ZDHHC16: variants seen among roughly 807,000 people sequenced by gnomAD.
ZDHHC16 encodes the protein zDHHC palmitoyltransferase 16.
A neutral mutation model predicts 54.4 loss-of-function variants in ZDHHC16; 33 were observed. The ratio of observed to expected loss-of-function variants is 0.61; its 90% CI spans 0.46 to 0.81. ZDHHC16 has a LOEUF of 0.81. ZDHHC16 is among the 30% of genes least tolerant of loss of function. The pLI is 0.00. For missense variants in ZDHHC16, 420 were observed against 485.9 expected, an observed-to-expected ratio of 0.86 and a Z score of 1.28; for synonymous variants, 185 against 182.1, an observed-to-expected ratio of 1.02 and a Z score of -0.13.
chr10:97,452,359 G>T, intron 4 of ZDHHC16, 56 bp from the exon 5 acceptor site: 4 of 1,611,532 alleles, frequency 2.5e-6, no homozygotes, highest in Non-Finnish European at 3.4e-6. Flanking sequence ...GAGTATCTTG[G>T]TATAGTTTTG....
chr10:97,455,773 C>T lies in ZDHHC16; in HGVS notation c.938C>T (p.Ala313Val). The T allele has an allele frequency of 6.2e-7, 1 of 1,614,058 alleles. No individual in the cohort carries two copies. The highest frequency in any genetic ancestry group is 8.5e-7 in the Non-Finnish European group (1 of 1,179,956). ...INKKERRRLQ[A>V]KGRVFRNPYN... is the part of the protein sequence containing the mutation. ...AAGAAGGAGAGACGTCGGCTACAGG[C>T]CAAGGGCAGAGTGAGTAGGGTTGAA... is the stretch of plus-strand genomic sequence containing the variant. The change falls in exon 10 of 12, where the codon GCC becomes GTC. Residue 313 changes from alanine (A) to valine (V), a missense_variant. Coordinates refer to ENST00000393760, the MANE Select transcript of ZDHHC16 (RefSeq NM_198046.3).
chr10:97,452,480 A>G lies in ZDHHC16; in HGVS notation c.504A>G (p.Thr168=). The G allele has an allele frequency of 6.2e-7, 1 of 1,614,204 alleles. No individual in the cohort carries two copies. Among genetic ancestry groups the G allele is most frequent in the South Asian group, 1.1e-5 (1 of 91,082 alleles). The change falls in exon 5 of 12, where the codon ACA becomes ACG. Residue 168 remains threonine, a synonymous_variant. Transcript: ENST00000393760. ...KKCIYPKPAR[T]HHCSICNRCV... ...GCATTTACCCCAAGCCAGCCCGAAC[A>G]CACCACTGCAGCATCTGCAACAGGT...
Position 97,457,275 on chromosome 10 carries a change from A to G in ZDHHC16, c.*384A>G, listed in dbSNP as rs1246300680. The stretch of plus-strand genomic sequence containing the variant: ...GTACAGCTGAGATCTTGGCTTCTCA[A>G]CAGGGCAAAGATACCAGGCCTGCTG... On this transcript the variant is annotated 3_prime_UTR_variant, in exon 12 of 12. Transcript: ENST00000393760. The G allele has an allele frequency of 6.4e-6, 1 of 155,916 alleles. No homozygotes were observed. The allele number at this position is 155,916 out of a possible 1,614,324, so 9.7% of individuals were successfully genotyped here. A position where few individuals can be genotyped will look rare whatever the true frequency, so the allele number is the denominator to read the frequency against.
chr10:97,453,621 T>C lies in ZDHHC16; in HGVS notation c.648T>C (p.Tyr216=), dbSNP rs769232268. 3 of 1,614,240 alleles carry C rather than the reference T, an allele frequency of 1.9e-6. 1 individual carries two copies. The South Asian group carries it at 3.3e-5, about 18-fold the overall frequency. ...CTCTGGGCTGTGTCTACTGCAGCTA[T>C]GGAAGTTGGGACCTTTTCCGGGAGG... is the stretch of plus-strand genomic sequence containing the variant. ...FMTLGCVYCS[Y]GSWDLFREAY... The change falls in exon 7 of 12, where the codon TAT becomes TAC. Residue 216 remains tyrosine (Y), a synonymous_variant. Transcript: ENST00000393760.
intron 1 of ZDHHC16, among the ~76,000 whole-genome samples, chr10:97,447,748 C>G (rs1846221351): frequency 6.6e-6 from 1 of 152,026 alleles, no homozygotes; most frequent in South Asian, 2.1e-4. Flanking sequence ...ATGGAGAAAC[C>G]CGGTCTCTAC....
chr10:97,452,064 C>T, intron 3 of ZDHHC16, 26 bp from the exon 4 acceptor site: 1 of 1,613,554 alleles, frequency 6.2e-7, no homozygotes, highest in Non-Finnish European at 8.5e-7. Context: ...TGCGCCATGT[C>T]TCCCTGACCT....
At chr10:97,452,662 G>A in intron 5 of ZDHHC16, 159 bp downstream of exon 5, 1 of 937,540 alleles carries the variant, frequency 1.1e-6, no homozygotes, top group South Asian at 1.7e-5. Context: ...GGATGGTCCT[G>A]TGAGTTAGGC....
chr10:97,451,374 C>G (rs1846592874), intron 2 of ZDHHC16, among the ~76,000 whole-genome samples: 1 of 152,202 alleles, frequency 6.6e-6, no homozygotes, highest in South Asian at 2.1e-4. Flanking sequence ...TTTCCTGTGG[C>G]CTGTTGCTTT....
chr10:97,456,045 G>GTAA lies in ZDHHC16; in HGVS notation c.1019+3_1019+5dup, dbSNP rs1184162034. ...TATTCCTGGGTGTGGATACAGGAAG[G>GTAA]TAATGTAAGACACACAGACTAATGC... On this transcript the variant is annotated splice_donor_variant, in intron 11 of 11. Transcript: ENST00000393760. LOFTEE classifies it high-confidence loss of function. The GTAA allele has an allele frequency of 1.2e-6, 2 of 1,614,044 alleles. No individual in the cohort carries two copies. The highest frequency in any genetic ancestry group is 2.2e-5 in the South Asian group (2 of 91,080).
chr10:97,451,852 C>T lies in ZDHHC16; in HGVS notation c.177C>T (p.Thr59=), dbSNP rs759902253. 6.8e-6 allele frequency: 11 copies of T among 1,614,178 alleles called. No homozygotes were observed. Among genetic ancestry groups the T allele is most frequent in the Admixed American group, 1.7e-5 (1 of 60,018 alleles). The change falls in exon 3 of 12, where the codon ACC becomes ACT. Residue 59 remains threonine, a synonymous_variant. Coordinates refer to ENST00000393760, the MANE Select transcript of ZDHHC16 (RefSeq NM_198046.3). ...ACAACTCCTTTGGGGGCAGTGACAC[C>T]GCTGTTGATGCTGCCTTTGAGCCTG... The part of the protein sequence containing the change: ...LLYNSFGGSD[T]AVDAAFEPVY...
chr10:97,456,268 A>G, intron 11 of ZDHHC16: 1 of 522,350 alleles, frequency 1.9e-6, no homozygotes, highest in East Asian at 3.1e-5. Flanking sequence ...GTGGAATCCT[A>G]GGAAAGCTGT....
chr10:97,454,735 C>T lies in ZDHHC16; in HGVS notation c.760C>T (p.Pro254Ser), dbSNP rs956817635. 5.6e-6 allele frequency: 9 copies of T among 1,614,216 alleles called. No homozygotes were observed. Among genetic ancestry groups the T allele is most frequent in the Middle Eastern group, 3.3e-4 (2 of 6,062 alleles). The change falls in exon 9 of 12, where the codon CCC (proline) becomes TCC (serine). Residue 254 changes from proline to serine, a missense_variant. Physicochemically the swap from Pro to Ser is moderately conservative, Grantham distance 74. Transcript: ENST00000393760. ...CTAGACTTATCACCAGACCCCACCACCCACCTTCTCCTTTCGAGAAAGGAT... is the reference window on the plus strand; with the variant it reads ...CTAGACTTATCACCAGACCCCACCATCCACCTTCTCCTTTCGAGAAAGGAT... ...ANQTYHQTPP[P>S]TFSFRERMTH...
chr10:97,450,029 G>A (rs1192271951), intron 1 of ZDHHC16, among the ~76,000 whole-genome samples: 7 of 150,542 alleles, frequency 4.6e-5, no homozygotes, highest in Admixed American at 4.0e-4. Flanking sequence ...CCGCCACCGC[G>A]CCCGGCTAAT....
In ZDHHC16 at chr10:97,451,735, G is replaced by T. The variant is rs1457614175; in HGVS notation, c.60G>T (p.Leu20=). ...CCCGCCTCTGCCTCCGCCTCCTTCTGCTGCTGGGTTACAGGCGCCGCTGTC... is the reference window on the plus strand; with the variant it reads ...CCCGCCTCTGCCTCCGCCTCCTTCTTCTGCTGGGTTACAGGCGCCGCTGTC... ...GPARLCLRLL[L]LLGYRRRCPP... The change falls in exon 3 of 12, where the codon CTG becomes CTT. Residue 20 remains leucine, a synonymous_variant. Transcript: ENST00000393760. 6.2e-7 allele frequency: 1 copy of T among 1,613,690 alleles called. No individual in the cohort carries two copies. Among genetic ancestry groups the T allele is most frequent in the Admixed American group, 1.7e-5 (1 of 60,016 alleles).
At chr10:97,455,171 A>G (rs1480483441) in intron 9 of ZDHHC16, among the ~76,000 whole-genome samples, 1 of 152,238 alleles carries the variant, frequency 6.6e-6, no homozygotes, top group Non-Finnish European at 1.5e-5. Flanking sequence ...TAGTAGGAAT[A>G]TTAGCACTGG....
intron 11 of ZDHHC16, 132 bp from the exon 12 acceptor site, chr10:97,456,645 T>G: frequency 1.6e-6 from 1 of 635,266 alleles, no homozygotes; most frequent in Non-Finnish European, 2.6e-6. Flanking sequence ...TAGCAGAAAT[T>G]AGAACTTTTG....
At chr10:97,455,524 T>C in intron 9 of ZDHHC16, 136 bp from the exon 10 acceptor site, 1 of 1,421,246 alleles carries the variant, frequency 7.0e-7, no homozygotes, top group South Asian at 1.3e-5. Flanking sequence ...AAAGTTTATC[T>C]AGGATATATG....
chr10:97,454,544 G>C (rs1014593978), intron 8 of ZDHHC16, among the ~76,000 whole-genome samples, 170 bp from the exon 9 acceptor site: 1 of 152,210 alleles, frequency 6.6e-6, no homozygotes, highest in African/African-American at 2.4e-5. Context: ...TGTCCATGTG[G>C]TGATGCCGCT....
At chr10:97,448,567 G>T (rs974451600) in intron 1 of ZDHHC16, among the ~76,000 whole-genome samples, 4 of 152,132 alleles carry the variant, frequency 2.6e-5, no homozygotes, top group Non-Finnish European at 5.9e-5. Context: ...GACCAGCCTG[G>T]CCAACATTGC....
Sources: allele counts gnomAD v4.1 joint callset (sites outside exome capture counted in the v4.1 genomes callset), GRCh38; gene constraint gnomAD v4.1.1; transcripts MANE v1.5; gene names NCBI Gene and HGNC (gene_info 2026-07-23, HGNC 2026-07-21).